Variants in ANKRD11 observed in about 807,000 individuals in gnomAD.
The protein encoded by ANKRD11 is ankyrin repeat domain-containing protein 11.
Under a neutral mutation model 195.7 loss-of-function variants are expected in ANKRD11, and 17 were observed. The ratio of observed to expected loss-of-function variants is 0.09; its 90% CI spans 0.06 to 0.13. ANKRD11 has a LOEUF of 0.13. ANKRD11 is among the 10% of genes least tolerant of loss of function. The pLI is 1.00. For synonymous variants in ANKRD11, 1,953 were observed against 1,528.1 expected, an observed-to-expected ratio of 1.28 and a Z score of -6.49; for missense variants, 3,735 against 3,566.1, an observed-to-expected ratio of 1.05 and a Z score of -1.21.
At chr16:89,313,788 G>A (rs1044576677) in intron 3 of ANKRD11, among the ~76,000 whole-genome samples, 1 of 152,120 alleles carries the variant, frequency 6.6e-6, no homozygotes, top group South Asian at 2.1e-4. Flanking sequence ...CCAGGAGTGC[G>A]TCTTCCCAGG....
rs944247954 is a variant in ANKRD11, at chr16:89,388,295, T to C, written c.-60+29989A>G. On this transcript the variant is annotated intron_variant, in intron 2 of 12. Transcript: ENST00000301030. ...GCTCTCTTCTCTCCATGAGGCTGAT[T>C]TTTTTTTTTTTTTTTTTTTTGAGAC... Among the ~76,000 whole-genome samples, 10 of 121,802 alleles carry C rather than the reference T, an allele frequency of 8.2e-5. No homozygotes were observed. In the East Asian group the frequency reaches 2.0e-3, roughly 25 times the overall value. The allele number at this position is 121,802 out of a possible 152,430, so 79.9% of individuals were successfully genotyped here. A position where few individuals can be genotyped will look rare whatever the true frequency, so the allele number is the denominator to read the frequency against.
intron 2 of ANKRD11, among the ~76,000 whole-genome samples, chr16:89,370,162 T>C (rs763722476): frequency 1.6e-4 from 25 of 152,354 alleles, no homozygotes; most frequent in Non-Finnish European, 3.5e-4. Flanking sequence ...CTTTGCATTC[T>C]TCCCCACGCC....
At chr16:89,456,246 A>T (rs1437645848) in intron 1 of ANKRD11, among the ~76,000 whole-genome samples, 2 of 151,222 alleles carry the variant, frequency 1.3e-5, no homozygotes, top group African/African-American at 2.4e-5. Flanking sequence ...TCCCAAAAAA[A>T]AAAGGGGGGG....
chr16:89,417,611 A>G (rs2042359755), intron 2 of ANKRD11, among the ~76,000 whole-genome samples: 1 of 152,072 alleles, frequency 6.6e-6, no homozygotes, highest in Admixed American at 6.6e-5. Context: ...AACCATACAC[A>G]CTGGTCTCCA....
At chr16:89,441,781 A>AAAAAAAAC (rs2043509984) in intron 1 of ANKRD11, among the ~76,000 whole-genome samples, 1 of 149,276 alleles carries the variant, frequency 6.7e-6, no homozygotes, top group South Asian at 2.1e-4. Flanking sequence ...AAAAAAAAAA[A>AAAAAAAAC]AAAAAAAAAA....
At chr16:89,415,632 A>T (rs772852153) in intron 2 of ANKRD11, among the ~76,000 whole-genome samples, 4 of 151,360 alleles carry the variant, frequency 2.6e-5, no homozygotes, top group Non-Finnish European at 5.9e-5. Context: ...ATTCAAGACC[A>T]GCCTGGCCAA....
At chr16:89,362,038 C>T (rs2039756059) in intron 2 of ANKRD11, among the ~76,000 whole-genome samples, 2 of 152,234 alleles carry the variant, frequency 1.3e-5, no homozygotes, top group Non-Finnish European at 2.9e-5. Flanking sequence ...GACTAACCCT[C>T]AAGTGCTCCT....
chr16:89,430,018 C>G (rs2042907328), intron 1 of ANKRD11, among the ~76,000 whole-genome samples: 2 of 128,504 alleles, frequency 1.6e-5, no homozygotes. Context: ...CAGGGATTCT[C>G]AACTCTCACG....
chr16:89,336,382 C>T (rs1473413530), intron 2 of ANKRD11, among the ~76,000 whole-genome samples: 1 of 152,192 alleles, frequency 6.6e-6, no homozygotes, highest in South Asian at 2.1e-4. Flanking sequence ...ACAGACAGCA[C>T]ACTGGATTCA....
chr16:89,369,767 C>A (rs1472122708), intron 2 of ANKRD11, among the ~76,000 whole-genome samples: 1 of 152,170 alleles, frequency 6.6e-6, no homozygotes, highest in Admixed American at 6.5e-5. Context: ...CTGTCTAAGA[C>A]CAGAGGGTTT....
chr16:89,392,974 C>T (rs1422736997), intron 2 of ANKRD11, among the ~76,000 whole-genome samples: 1 of 151,856 alleles, frequency 6.6e-6, no homozygotes, highest in Non-Finnish European at 1.5e-5. Context: ...TCTGTTTCCC[C>T]AAAAATTCCT....
At chr16:89,367,750 C>T (rs2040010660) in intron 2 of ANKRD11, among the ~76,000 whole-genome samples, 1 of 152,212 alleles carries the variant, frequency 6.6e-6, no homozygotes, top group South Asian at 2.1e-4. Context: ...CTACCCCCAG[C>T]GGCTGCATGT....
chr16:89,448,305 C>T (rs1331330875), intron 1 of ANKRD11, among the ~76,000 whole-genome samples: 1 of 152,150 alleles, frequency 6.6e-6, no homozygotes, highest in East Asian at 1.9e-4. Context: ...GAAAAAGTCT[C>T]AACTGTAAAA....
At chr16:89,488,448 C>CG (rs1231078672) in intron 1 of ANKRD11, among the ~76,000 whole-genome samples, 1 of 151,564 alleles carries the variant, frequency 6.6e-6, no homozygotes, top group East Asian at 1.9e-4. Context: ...CCGCCCCCCC[C>CG]CCTTTTTTTC....
At chr16:89,478,501 CT>C (rs1423778030) in intron 1 of ANKRD11, among the ~76,000 whole-genome samples, 1 of 152,188 alleles carries the variant, frequency 6.6e-6, no homozygotes, top group East Asian at 1.9e-4. Context: ...GAGAATGGGT[CT>C]CAAGGTCTCA....
intron 1 of ANKRD11, among the ~76,000 whole-genome samples, chr16:89,466,582 G>A (rs976056982): frequency 2.0e-5 from 3 of 151,880 alleles, no homozygotes; most frequent in Non-Finnish European, 4.4e-5. Flanking sequence ...ACTAGGCAAA[G>A]AAGGAAAAAA....
chr16:89,353,700 G>C (rs569001500), intron 2 of ANKRD11, among the ~76,000 whole-genome samples: 2 of 152,120 alleles, frequency 1.3e-5, no homozygotes, highest in African/African-American at 4.8e-5. Flanking sequence ...GGCTGGTTTC[G>C]AACTCCTGAC....
chr16:89,380,535 CAG>C (rs1356701511), intron 2 of ANKRD11, among the ~76,000 whole-genome samples: 4 of 145,866 alleles, frequency 2.7e-5, no homozygotes, highest in African/African-American at 1.0e-4. Context: ...AAACGGGACA[CAG>C]GGCACGAAGA....
rs137894790 is a variant in ANKRD11, at chr16:89,283,111, G to C, written c.3431C>G (p.Pro1144Arg). 60 of 1,613,742 alleles carry C rather than the reference G, an allele frequency of 3.7e-5. No individual in the cohort carries two copies. The highest frequency in any genetic ancestry group is 5.0e-5 in the Non-Finnish European group (59 of 1,180,024). The part of the protein sequence containing the change: ...GFKMGEASDL[P>R]RTDGLQEKEE... ...CTTCTCCTGGAGGCCGTCCGTCCTC[G>C]GCAAGTCGCTGGCCTCTCCCATCTT... Residue 1144 changes from proline to arginine, a missense_variant, in exon 9 of 13, where the codon CCG becomes CGG. Coordinates refer to ENST00000301030, the MANE Select transcript of ANKRD11 (RefSeq NM_013275.6). This position sits in a 1 kb window ranked among gnomAD's most constrained non-coding sequence, Gnocchi z 4.3.
Sources: gnomAD v4.1 joint callset for allele counts (sites outside exome capture counted in the v4.1 genomes callset) on GRCh38, gnomAD v4.1.1 for gene constraint, Gnocchi (gnomAD v3.1) non-coding constraint, MANE v1.5 for transcripts, NCBI Gene and HGNC (gene_info 2026-07-23, HGNC 2026-07-21) for gene names.